Variants in NBEA observed in about 807,000 individuals in gnomAD.
The protein encoded by NBEA is neurobeachin.
NBEA carries 44 observed loss-of-function variants against 343.4 expected under a neutral mutation model. The observed-to-expected ratio is 0.13, with a 90% CI of 0.10 to 0.16. The LOEUF (loss-of-function observed/expected upper bound fraction) is 0.16, where lower values mean the gene tolerates loss of function less well. Ranked by LOEUF, NBEA falls within the 10% of genes least tolerant of loss-of-function variation. The pLI is 1.00. For missense variants in NBEA, 2,555 were observed against 3,631.3 expected, an observed-to-expected ratio of 0.70 and a Z score of 7.62; for synonymous variants, 1,175 against 1,238.7, an observed-to-expected ratio of 0.95 and a Z score of 1.08.
At chr13:35,025,291 G>A (rs919588986) in intron 1 of NBEA, among the ~76,000 whole-genome samples, 19 of 152,054 alleles carry the variant, frequency 1.2e-4, no homozygotes, top group African/African-American at 4.6e-4. Flanking sequence ...TTTTCTTCTA[G>A]GGCTTTTATA....
At chr13:35,517,221 G>A (rs936861586) in intron 41 of NBEA, among the ~76,000 whole-genome samples, 3 of 151,876 alleles carry the variant, frequency 2.0e-5, no homozygotes, top group African/African-American at 4.8e-5. Flanking sequence ...CTCTTCCGTC[G>A]GCCTCGCCCT....
At chr13:35,275,578 T>TG (rs2034522482) in intron 34 of NBEA, among the ~76,000 whole-genome samples, 2 of 152,064 alleles carry the variant, frequency 1.3e-5, no homozygotes, top group Admixed American at 6.6e-5. Context: ...ACCTACAGAA[T>TG]GGGAGAAAAT....
intron 36 of NBEA, among the ~76,000 whole-genome samples, chr13:35,316,614 G>T (rs1223214667): frequency 2.0e-5 from 3 of 152,102 alleles, no homozygotes. Flanking sequence ...AATCCTTTGG[G>T]TATATACCCA....
At chr13:34,973,118 G>A (rs2060052154) in intron 1 of NBEA, among the ~76,000 whole-genome samples, 1 of 152,106 alleles carries the variant, frequency 6.6e-6, no homozygotes, top group African/African-American at 2.4e-5. Flanking sequence ...CTACCTGAAG[G>A]TATCACCAGT....
intron 40 of NBEA, among the ~76,000 whole-genome samples, chr13:35,456,680 G>A (rs944591833): frequency 1.3e-5 from 2 of 151,794 alleles, no homozygotes; most frequent in African/African-American, 4.8e-5. Flanking sequence ...GGTAAGTGAA[G>A]GATTTAATTA....
Position 35,584,007 on chromosome 13 carries a change from C to T in NBEA, c.7145C>T (p.Ala2382Val). Reference sequence around the variant, plus strand: ...CATTATAATACCCATTATTCAACAGCAACATCTACTTTATCCTGGCTTGTT... The same window carrying T: ...CATTATAATACCCATTATTCAACAGTAACATCTACTTTATCCTGGCTTGTT... ...PYHYNTHYST[A>V]TSTLSWLVRI... The change falls in exon 46 of 59, where the codon GCA (alanine) becomes GTA (valine). Residue 2382 changes from alanine (A) to valine (V), a missense_variant. Physicochemically the swap from Ala to Val is moderately conservative, Grantham distance 64 (BLOSUM62 0). Transcript: ENST00000379939. 6.2e-7 allele frequency: 1 copy of T among 1,613,582 alleles called. No individual in the cohort carries two copies. Among genetic ancestry groups the T allele is most frequent in the Non-Finnish European group, 8.5e-7 (1 of 1,179,646 alleles).
chr13:35,301,059 C>CTT (rs2036507943), intron 35 of NBEA, among the ~76,000 whole-genome samples: 1 of 152,010 alleles, frequency 6.6e-6, no homozygotes, highest in Non-Finnish European at 1.5e-5. Context: ...GGAAAATATA[C>CTT]TTTATCTTGT....
chr13:35,346,777 G>C (rs1457540795), intron 36 of NBEA, among the ~76,000 whole-genome samples: 1 of 152,102 alleles, frequency 6.6e-6, no homozygotes, highest in Admixed American at 6.6e-5. Context: ...ACTGGTCCTA[G>C]AGTGACAGAG....
chr13:35,381,060 G>A (rs1458347716), intron 38 of NBEA, among the ~76,000 whole-genome samples: 1 of 151,860 alleles, frequency 6.6e-6, no homozygotes, highest in Non-Finnish European at 1.5e-5. Flanking sequence ...TTCTACGAAT[G>A]GTAGTGATTG....
intron 36 of NBEA, among the ~76,000 whole-genome samples, chr13:35,321,337 AAG>A (rs1356327239): frequency 6.6e-6 from 1 of 152,096 alleles, no homozygotes; most frequent in Non-Finnish European, 1.5e-5. Flanking sequence ...TTTTCCTTCT[AAG>A]AGTCAGACTT....
chr13:35,421,917 T>A (rs768053749), intron 38 of NBEA, among the ~76,000 whole-genome samples: 9 of 152,222 alleles, frequency 5.9e-5, no homozygotes, highest in Admixed American at 6.5e-5. Context: ...ATGCCACTTT[T>A]CTCTGGCTGC....
At chr13:35,023,303 G>A (rs995980788) in intron 1 of NBEA, among the ~76,000 whole-genome samples, 2 of 152,212 alleles carry the variant, frequency 1.3e-5, no homozygotes, top group Admixed American at 1.3e-4. Context: ...CACTGTCAGT[G>A]TAACTGATGG....
intron 11 of NBEA, among the ~76,000 whole-genome samples, chr13:35,105,754 G>A (rs1312885706): frequency 1.3e-5 from 2 of 151,956 alleles, no homozygotes; most frequent in African/African-American, 2.4e-5. Context: ...AGGCTATTTG[G>A]AGCACAACCT....
At chr13:35,423,068 G>A (rs1182669454) in intron 38 of NBEA, among the ~76,000 whole-genome samples, 24 of 152,128 alleles carry the variant, frequency 1.6e-4, no homozygotes, top group East Asian at 9.6e-4. Flanking sequence ...AGATGAGTAG[G>A]TTGCAAAAAT....
At chr13:35,511,221 T>C (rs1051671009) in intron 41 of NBEA, among the ~76,000 whole-genome samples, 2 of 152,220 alleles carry the variant, frequency 1.3e-5, no homozygotes, top group African/African-American at 4.8e-5. Flanking sequence ...CAGCCTGCAA[T>C]TGTCAAGCAA....
chr13:35,239,086 A>T (rs2152776571), intron 34 of NBEA, among the ~76,000 whole-genome samples: 1 of 152,302 alleles, frequency 6.6e-6, no homozygotes, highest in East Asian at 1.9e-4. Flanking sequence ...AATGTACACA[A>T]GAAAATTGGG....
chr13:35,667,266 C>A, intron 56 of NBEA, 108 bp from the exon 57 acceptor site: 1 of 888,200 alleles, frequency 1.1e-6, no homozygotes, highest in Admixed American at 2.4e-5. Flanking sequence ...TTCCTGTCCT[C>A]TTCCGTCACA....
At chr13:35,153,188 A>G (rs535471982) in intron 18 of NBEA, among the ~76,000 whole-genome samples, 1 of 151,146 alleles carries the variant, frequency 6.6e-6, no homozygotes, top group African/African-American at 2.4e-5. Flanking sequence ...GCCTGCCACC[A>G]CACCCGGGTA....
chr13:35,244,039 T>C (rs2030783864), intron 34 of NBEA, among the ~76,000 whole-genome samples: 2 of 151,854 alleles, frequency 1.3e-5, no homozygotes, highest in South Asian at 4.1e-4. Context: ...TGTTAGGTCA[T>C]TAAACAAGTC....
Sources: allele counts gnomAD v4.1 joint callset (sites outside exome capture counted in the v4.1 genomes callset), GRCh38; gene constraint gnomAD v4.1.1; transcripts MANE v1.5; gene names NCBI Gene and HGNC (gene_info 2026-07-23, HGNC 2026-07-21).